Variants in RAB11FIP3 observed in about 807,000 individuals in gnomAD.
RAB11FIP3 encodes RAB11 family interacting protein 3.
RAB11FIP3 carries 17 observed loss-of-function variants against 77.8 expected under a neutral mutation model. The observed-to-expected ratio is 0.22, with a 90% confidence interval of 0.15 to 0.33. RAB11FIP3 has a LOEUF of 0.33. RAB11FIP3 is among the 10% of genes least tolerant of loss of function. The pLI is 1.00. For missense variants in RAB11FIP3, 1,005 were observed against 1,011.2 expected (o/e 0.99, Z 0.08); for synonymous variants, 437 against 448.2 (o/e 0.98, Z 0.31).
At chr16:477,666 A>C (rs2055946106) in intron 3 of RAB11FIP3, 1 of 985,440 alleles carries the variant, frequency 1.0e-6, no homozygotes, top group Non-Finnish European at 1.2e-6. Flanking sequence ...GGTGAGTAGC[A>C]CGAGAGCTGG....
In RAB11FIP3 at chr16:461,364, TA is replaced by T. The variant is rs1208902363; in HGVS notation, c.715-37del. On this transcript the variant is annotated intron_variant, in intron 1 of 13. Transcript: ENST00000262305. The surrounding 1 kb of genome is among the most constrained non-coding windows in gnomAD (Gnocchi z 4.5). ...GGTCCAGGGTTGGGGACCCCTGCTGTAAAGGCTTAGGGTAACCTAGTCTCAT... is the reference window on the plus strand; with the variant it reads ...GGTCCAGGGTTGGGGACCCCTGCTGTAAGGCTTAGGGTAACCTAGTCTCAT... 1 of 1,563,740 alleles carries T rather than the reference TA, an allele frequency of 6.4e-7. No homozygotes were observed. Among genetic ancestry groups the T allele is most frequent in the Non-Finnish European group, 8.8e-7 (1 of 1,142,824 alleles).
At chr16:487,500 C>T (rs923285126) in intron 4 of RAB11FIP3, among the ~76,000 whole-genome samples, 6 of 152,244 alleles carry the variant, frequency 3.9e-5, no homozygotes, top group East Asian at 1.9e-4. Context: ...GGCATTTCTG[C>T]GGGTGTGAAA....
chr16:515,574 C>T (rs1180794249), intron 9 of RAB11FIP3, among the ~76,000 whole-genome samples: 1 of 150,694 alleles, frequency 6.6e-6, no homozygotes, highest in Non-Finnish European at 1.5e-5. Context: ...GCGACACGGA[C>T]CGGTGTTTGC....
At chr16:518,051 C>T (rs1211377826) in intron 9 of RAB11FIP3, among the ~76,000 whole-genome samples, 2 of 152,196 alleles carry the variant, frequency 1.3e-5, no homozygotes, top group African/African-American at 4.8e-5. Flanking sequence ...CACTGCACTC[C>T]AGCCTGGGCA....
chr16:448,402 G>C lies in RAB11FIP3; in HGVS notation c.715-13002G>C, dbSNP rs532337857. The stretch of plus-strand genomic sequence containing the variant: ...GCAGATCACCTGAGGTCAGGAGTTT[G>C]AGACCAGCCTGATCAACATGGAGAA... On this transcript the variant is annotated intron_variant, in intron 1 of 13. Transcript: ENST00000262305. Among the ~76,000 whole-genome samples the C allele has an allele frequency of 3.3e-5, 5 of 151,722 alleles. No individual in the cohort carries two copies. In the South Asian group the frequency reaches 1.0e-3, roughly 32 times the overall value.
Position 472,219 on chromosome 16 carries a change from A to G in RAB11FIP3, c.903+830A>G, listed in dbSNP as rs2055821866. 6.6e-6 allele frequency among the ~76,000 whole-genome samples: 1 copy of G among 152,180 alleles called. No individual in the cohort carries two copies. The highest frequency in any genetic ancestry group is 1.5e-5 in the Non-Finnish European group (1 of 68,020). ...CCGTGGGAGCCATGGTATTATACTCAGTTCCCTGTTCCGAGAAGCTGCCCC... is the reference window on the plus strand; with the variant it reads ...CCGTGGGAGCCATGGTATTATACTCGGTTCCCTGTTCCGAGAAGCTGCCCC... On this transcript the variant is annotated intron_variant, in intron 3 of 13. Transcript: ENST00000262305. This position sits in a 1 kb window ranked among gnomAD's most constrained non-coding sequence, Gnocchi z 4.1.
At chr16:492,432 AGACCCGAGGCCGCCCAGGGCCCTTCCCGG>A (rs2030530614) in intron 5 of RAB11FIP3, among the ~76,000 whole-genome samples, 4 of 136,762 alleles carry the variant, frequency 2.9e-5, no homozygotes, top group Non-Finnish European at 4.7e-5. Context: ...CCTCCCCGGG[AGACCCGAGGCCGCCCAGGGCCCTTCCCGG>A]GGAGACCCGA....
chr16:434,072 AT>A (rs1567353408), intron 1 of RAB11FIP3, among the ~76,000 whole-genome samples: 1 of 152,030 alleles, frequency 6.6e-6, no homozygotes, highest in Non-Finnish European at 1.5e-5. Flanking sequence ...GTTGACCTAA[AT>A]TTTTTGAAAT....
chr16:486,751 G>C (rs935295623), intron 4 of RAB11FIP3, among the ~76,000 whole-genome samples: 35 of 152,214 alleles, frequency 2.3e-4, no homozygotes, highest in African/African-American at 8.2e-4. Context: ...GAGAGGAGGA[G>C]ATGGGGTGGT....
chr16:505,418 T>C lies in RAB11FIP3; in HGVS notation c.1396-106T>C. On this transcript the variant is annotated intron_variant, in intron 7 of 13. Transcript: ENST00000262305. The surrounding 1 kb of genome is among the most constrained non-coding windows in gnomAD (Gnocchi z 4.0). Reference sequence around the variant, plus strand: ...CACCAGCCTAGCTAGGTGGATCTGATTCTGTGCTGAGAAAATCCCCAGGCG... The same window carrying C: ...CACCAGCCTAGCTAGGTGGATCTGACTCTGTGCTGAGAAAATCCCCAGGCG... The C allele has an allele frequency of 2.4e-6, 2 of 824,184 alleles. No individual in the cohort carries two copies. The highest frequency in any genetic ancestry group is 3.8e-6 in the Non-Finnish European group (2 of 528,744). 51.1% of individuals were successfully genotyped at this position (824,184 alleles called of 1,614,324 possible). A position where few individuals can be genotyped will look rare whatever the true frequency, so the allele number is the denominator to read the frequency against.
chr16:426,476 A>G lies in RAB11FIP3; in HGVS notation c.470A>G (p.Glu157Gly), dbSNP rs1268216334. The change falls in exon 1 of 14, where the codon GAG becomes GGG. Residue 157 changes from glutamate to glycine, a missense_variant. Transcript: ENST00000262305. This position sits in a 1 kb window ranked among gnomAD's most constrained non-coding sequence, Gnocchi z 5.0. ...GSSSSHRARG[E>G]VDVFSPFPAP... ...AGCAGCAGCCACCGAGCGCGGGGCGAGGTCGACGTCTTCTCTCCCTTCCCC... is the reference window on the plus strand; with the variant it reads ...AGCAGCAGCCACCGAGCGCGGGGCGGGGTCGACGTCTTCTCTCCCTTCCCC... The G allele has an allele frequency of 6.3e-7, 1 of 1,580,864 alleles. No individual in the cohort carries two copies. Among genetic ancestry groups the G allele is most frequent in the Admixed American group, 1.8e-5 (1 of 55,154 alleles).
chr16:432,891 A>T (rs944271923), intron 1 of RAB11FIP3, among the ~76,000 whole-genome samples: 2 of 151,390 alleles, frequency 1.3e-5, no homozygotes, highest in Non-Finnish European at 2.9e-5. Flanking sequence ...GGCATGAGCC[A>T]TTGCCCCTAG....
chr16:496,852 G>C lies in RAB11FIP3; in HGVS notation c.1294G>C (p.Val432Leu). Reference protein sequence around the residue: ...SPTKRLSSKKVARYLHQSGAL... With the variant: ...SPTKRLSSKKLARYLHQSGAL... Reference sequence around the variant, plus strand: ...GACAAAGCGGCTCTCCAGCAAGAAGGTGGCAAGGTAGGTGGGTCTCTGGTT... The same window carrying C: ...GACAAAGCGGCTCTCCAGCAAGAAGCTGGCAAGGTAGGTGGGTCTCTGGTT... Residue 432 changes from valine (V) to leucine (L), a missense_variant, in exon 6 of 14, where the codon GTG becomes CTG. This residue lies in a region of RAB11FIP3 where 433 missense variants were observed against 436.1 expected (regional missense o/e 0.99). Coordinates refer to ENST00000262305, the MANE Select transcript of RAB11FIP3 (RefSeq NM_014700.4). 6.3e-7 allele frequency: 1 copy of C among 1,591,760 alleles called. No homozygotes were observed. Among genetic ancestry groups the C allele is most frequent in the Non-Finnish European group, 8.6e-7 (1 of 1,159,782 alleles).
rs1596226867 is a variant in RAB11FIP3, at chr16:461,524, A to C, written c.808+27A>C. The C allele has an allele frequency of 2.5e-6, 4 of 1,587,986 alleles. No homozygotes were observed. Among genetic ancestry groups the C allele is most frequent in the Non-Finnish European group, 3.5e-6 (4 of 1,157,744 alleles). On this transcript the variant is annotated intron_variant, in intron 2 of 13. Coordinates refer to ENST00000262305, the MANE Select transcript of RAB11FIP3 (RefSeq NM_014700.4). The surrounding 1 kb of genome is among the most constrained non-coding windows in gnomAD (Gnocchi z 4.5). ...TCAGTCATCCCCGCCATGAGCTCCCACCTCCTCTCCCGTTCCTCAGCCACC... is the reference window on the plus strand; with the variant it reads ...TCAGTCATCCCCGCCATGAGCTCCCCCCTCCTCTCCCGTTCCTCAGCCACC...
rs7195676 is a variant in RAB11FIP3, at chr16:461,763, A to C, written c.808+266A>C. On this transcript the variant is annotated intron_variant, in intron 2 of 13. Coordinates refer to ENST00000262305, the MANE Select transcript of RAB11FIP3 (RefSeq NM_014700.4). This position sits in a 1 kb window ranked among gnomAD's most constrained non-coding sequence, Gnocchi z 4.5. ...CCCCTTCCTCAAAGATTTCATGATG[A>C]CAATTTGAGAATTTTCAAAATATTG... Among the ~76,000 whole-genome samples, 8,541 of 152,184 alleles carry C rather than the reference A, an allele frequency of 0.056. 771 individuals are homozygous for C. Among genetic ancestry groups the C allele is most frequent in the African/African-American group, 0.2 (8,093 of 41,478 alleles).
Position 461,585 on chromosome 16 carries a change from C to A in RAB11FIP3, c.808+88C>A. 2.8e-6 allele frequency: 3 copies of A among 1,080,558 alleles called. No homozygotes were observed. The highest frequency in any genetic ancestry group is 4.2e-6 in the Non-Finnish European group (3 of 711,820). 66.9% of individuals were successfully genotyped at this position (1,080,558 alleles called of 1,614,324 possible). ...CCTGCACATCACCAGGCTCCTCGTG[C>A]TGACTCTAACATCTTTCCTTCTCCT... On this transcript the variant is annotated intron_variant, in intron 2 of 13. Transcript: ENST00000262305. The surrounding 1 kb of genome is among the most constrained non-coding windows in gnomAD (Gnocchi z 4.5).
chr16:511,006 C>G (rs921072762), intron 9 of RAB11FIP3, among the ~76,000 whole-genome samples: 2 of 145,566 alleles, frequency 1.4e-5, no homozygotes, highest in Non-Finnish European at 3.0e-5. Context: ...GGAGAAGTTC[C>G]CCGAAAGTCC....
At chr16:500,721 A>T (rs376765809) in intron 6 of RAB11FIP3, among the ~76,000 whole-genome samples, 9 of 150,438 alleles carry the variant, frequency 6.0e-5, no homozygotes, top group Non-Finnish European at 8.9e-5. Flanking sequence ...AAAAAATTAA[A>T]TAAGTAAATA....
At chr16:441,680 C>G (rs1471335354) in intron 1 of RAB11FIP3, among the ~76,000 whole-genome samples, 2 of 152,198 alleles carry the variant, frequency 1.3e-5, no homozygotes, top group Non-Finnish European at 2.9e-5. Context: ...CCATGCTGCT[C>G]CTTTCTTGGT....
Sources: allele counts gnomAD v4.1 joint callset (sites outside exome capture counted in the v4.1 genomes callset), GRCh38; gene constraint gnomAD v4.1.1; regional missense constraint gnomAD v4.1.1; non-coding constraint Gnocchi (gnomAD v3.1); transcripts MANE v1.5; gene names NCBI Gene and HGNC (gene_info 2026-07-23, HGNC 2026-07-21).